The following MYCT1 variants were observed in gnomAD, a reference collection of about 807,000 sequenced individuals.
The protein encoded by MYCT1 is myc target protein 1.
MYCT1 carries 12 observed loss-of-function variants against 15.0 expected under a neutral mutation model. The observed-to-expected ratio is 0.80, with a 90% CI of 0.51 to 1.29. The LOEUF is 1.29. MYCT1 is among the 50% of genes most tolerant of loss of function. The probability of loss-of-function intolerance (pLI) is 0.00; values close to 1 mark genes in which losing one functional copy is unlikely to be tolerated. For synonymous variants in MYCT1, 104 were observed against 102.7 expected (o/e 1.01, Z -0.07); for missense variants, 287 against 279.1 (o/e 1.03, Z -0.20).
chr6:152,708,823 T>C (rs1405125416), intron 1 of MYCT1, among the ~76,000 whole-genome samples: 2 of 152,072 alleles, frequency 1.3e-5, no homozygotes, highest in Non-Finnish European at 2.9e-5. Context: ...GTGATTAATT[T>C]GAATTCTGTT....
chr6:152,720,605 G>A (rs562630683), intron 1 of MYCT1, among the ~76,000 whole-genome samples: 1 of 152,304 alleles, frequency 6.6e-6, no homozygotes, highest in African/African-American at 2.4e-5. Flanking sequence ...TGAAGGTAGA[G>A]CTTGAAGAAT....
downstream of MYCT1, among the ~76,000 whole-genome samples, chr6:152,726,527 T>A (rs1435955930): frequency 6.6e-6 from 1 of 152,198 alleles, no homozygotes; most frequent in Non-Finnish European, 1.5e-5. Flanking sequence ...GATTACCTTC[T>A]TTGAAGTTTT....
chr6:152,704,957 G>A (rs1373590314), intron 1 of MYCT1, among the ~76,000 whole-genome samples: 4 of 152,086 alleles, frequency 2.6e-5, no homozygotes, highest in Non-Finnish European at 5.9e-5. Flanking sequence ...AGGGCTCCAA[G>A]CTCCTGCGCA....
chr6:152,722,510 T>C lies in MYCT1; in HGVS notation c.*257T>C, dbSNP rs2099724893. Reference sequence around the variant, plus strand: ...ATTTTGTATTCAATGTGAGGCTTATTAAAAATAGTGATTCTAATGTAAGAA... The same window carrying C: ...ATTTTGTATTCAATGTGAGGCTTATCAAAAATAGTGATTCTAATGTAAGAA... On this transcript the variant is annotated 3_prime_UTR_variant, in exon 2 of 2. Coordinates refer to ENST00000367245, the MANE Select transcript of MYCT1 (RefSeq NM_025107.3). 5.3e-6 allele frequency: 2 copies of C among 379,954 alleles called. No individual in the cohort carries two copies. Among genetic ancestry groups the C allele is most frequent in the Non-Finnish European group, 9.4e-6 (2 of 212,652 alleles). The allele number at this position is 379,954 out of a possible 1,614,324, so 23.5% of individuals were successfully genotyped here. A position where few individuals can be genotyped will look rare whatever the true frequency, so the allele number is the denominator to read the frequency against.
chr6:152,725,535 C>T (rs144763658), downstream of MYCT1, among the ~76,000 whole-genome samples: 356 of 152,290 alleles, frequency 2.3e-3, 3 homozygotes, highest in African/African-American at 8.3e-3. Context: ...ATCCGCCCAC[C>T]TCAGCTTCCC....
Position 152,721,840 on chromosome 6 carries a change from G to C in MYCT1, c.295G>C (p.Ala99Pro). 1.9e-6 allele frequency: 3 copies of C among 1,614,032 alleles called. No homozygotes were observed. The highest frequency in any genetic ancestry group is 2.5e-6 in the Non-Finnish European group (3 of 1,180,008). The change falls in exon 2 of 2, where the codon GCC becomes CCC. Residue 99 changes from alanine to proline, a missense_variant. Transcript: ENST00000367245. ...CATTTGTCTGTCTCGAAGAAGAAGAGCCAGTGCTCCCATCTCACAGTGGAG... is the reference window on the plus strand; with the variant it reads ...CATTTGTCTGTCTCGAAGAAGAAGACCCAGTGCTCCCATCTCACAGTGGAG... ...VFICLSRRRR[A>P]SAPISQWSSS...
chr6:152,742,279 A>G, the MYCT1 span, among the ~76,000 whole-genome samples: 1 of 152,116 alleles, frequency 6.6e-6, no homozygotes, highest in African/African-American at 2.4e-5. Flanking sequence ...AAAATGTTCT[A>G]CTGTAAGCTG....
At chr6:152,721,333 G>A (rs1267369623) in intron 1 of MYCT1, among the ~76,000 whole-genome samples, 1 of 152,170 alleles carries the variant, frequency 6.6e-6, no homozygotes, top group East Asian at 1.9e-4. Flanking sequence ...TCAAAGTGAT[G>A]ACAAAATTCT....
the MYCT1 span, among the ~76,000 whole-genome samples, chr6:152,735,568 G>A: frequency 6.6e-6 from 1 of 152,064 alleles, no homozygotes; most frequent in Non-Finnish European, 1.5e-5. Flanking sequence ...TGCCTAAATA[G>A]AGGTGAAGAG....
chr6:152,722,038 T>G lies in MYCT1; in HGVS notation c.493T>G (p.Ser165Ala). 1 of 1,614,130 alleles carries G rather than the reference T, an allele frequency of 6.2e-7. No individual in the cohort carries two copies. Among genetic ancestry groups the G allele is most frequent in the Non-Finnish European group, 8.5e-7 (1 of 1,180,022 alleles). Residue 165 changes from serine (S) to alanine (A), a missense_variant, in exon 2 of 2, where the codon TCT (serine) becomes GCT (alanine). Ser to Ala is a moderately conservative substitution (Grantham distance 99, BLOSUM62 1). Transcript: ENST00000367245. ...TCCAAGAAAATCAAGTTTCAGAGCT[T>G]CTACTTTCCATCCCTTTCTGCAATG... ...SFPRKSSFRA[S>A]TFHPFLQCPP...
the MYCT1 span, among the ~76,000 whole-genome samples, chr6:152,732,397 A>C: frequency 1.3e-5 from 2 of 152,226 alleles, no homozygotes; most frequent in Non-Finnish European, 2.9e-5. Flanking sequence ...TGAATTTTCA[A>C]CAAATTAAGA....
chr6:152,726,412 A>AAAG (rs2099725673), downstream of MYCT1, among the ~76,000 whole-genome samples: 1 of 151,628 alleles, frequency 6.6e-6, no homozygotes, highest in African/African-American at 2.4e-5. Context: ...AAAAAAAAAA[A>AAAG]AGAGAATGGC....
the MYCT1 span, among the ~76,000 whole-genome samples, chr6:152,740,303 G>C: frequency 1.3e-5 from 2 of 152,188 alleles, no homozygotes; most frequent in Non-Finnish European, 1.5e-5. Context: ...GCCCACCTCA[G>C]CCTCCCAAAG....
At chr6:152,736,145 T>C in the MYCT1 span, among the ~76,000 whole-genome samples, 1 of 152,022 alleles carries the variant, frequency 6.6e-6, no homozygotes, top group Non-Finnish European at 1.5e-5. Context: ...GTGCACTTAA[T>C]GAAAGGAATA....
chr6:152,734,109 T>A, the MYCT1 span, among the ~76,000 whole-genome samples: 1 of 152,074 alleles, frequency 6.6e-6, no homozygotes, highest in Non-Finnish European at 1.5e-5. Context: ...TTTCTTATGC[T>A]GTGAAATGAA....
the MYCT1 span, among the ~76,000 whole-genome samples, chr6:152,737,588 T>C: frequency 8.5e-5 from 13 of 152,066 alleles, no homozygotes; most frequent in African/African-American, 3.1e-4. Flanking sequence ...TGTGAAGGAA[T>C]GTTCACTCTC....
At chr6:152,726,574 T>A (rs1160060175), downstream of MYCT1, among the ~76,000 whole-genome samples, 1 of 152,038 alleles carries the variant, frequency 6.6e-6, no homozygotes. Flanking sequence ...TGGCCAGGAC[T>A]GGCAATGCCA....
chr6:152,716,433 T>C (rs1186555004), intron 1 of MYCT1, among the ~76,000 whole-genome samples: 1 of 152,184 alleles, frequency 6.6e-6, no homozygotes, highest in African/African-American at 2.4e-5. Flanking sequence ...TTTTGAATGT[T>C]TTAAACAATG....
intron 1 of MYCT1, among the ~76,000 whole-genome samples, chr6:152,706,872 T>G (rs897795308): frequency 8.6e-5 from 13 of 151,916 alleles, no homozygotes; most frequent in Non-Finnish European, 1.5e-4. Context: ...TGTGTGTGTG[T>G]GTATGCATAT....
Sources: allele counts gnomAD v4.1 joint callset (sites outside exome capture counted in the v4.1 genomes callset), GRCh38; gene constraint gnomAD v4.1.1; transcripts MANE v1.5; gene names NCBI Gene and HGNC (gene_info 2026-07-23, HGNC 2026-07-21).